Variants in CCDC32 observed in about 807,000 individuals in gnomAD.
The protein encoded by CCDC32 is coiled-coil domain-containing protein 32.
Under a neutral mutation model 20.1 loss-of-function variants are expected in CCDC32, and 9 were observed. The observed-to-expected ratio is 0.45, with a 90% CI of 0.27 to 0.78. The LOEUF (loss-of-function observed/expected upper bound fraction) is 0.78, where lower values mean the gene tolerates loss of function less well. Ranked by LOEUF, CCDC32 falls within the 30% of genes least tolerant of loss-of-function variation. CCDC32 has a pLI of 0.16. For missense variants in CCDC32, 204 were observed against 215.5 expected, an observed-to-expected ratio of 0.95 and a Z score of 0.33; for synonymous variants, 63 against 79.0, an observed-to-expected ratio of 0.80 and a Z score of 1.07.
chr15:40,561,540 A>G (rs1890635301), intron 2 of CCDC32, among the ~76,000 whole-genome samples: 1 of 151,694 alleles, frequency 6.6e-6, no homozygotes, highest in African/African-American at 2.4e-5. Flanking sequence ...GACTTTGGAG[A>G]TTCAGAAGTG....
the CCDC32 span, among the ~76,000 whole-genome samples, chr15:40,522,736 C>T: frequency 3.2e-4 from 49 of 152,068 alleles, no homozygotes; most frequent in Non-Finnish European, 2.6e-4. Context: ...TGTCACTCAG[C>T]AAAGCCTGAG....
chr15:40,531,273 T>C (rs1253973729), downstream of CCDC32: 1 of 151,380 alleles, frequency 6.6e-6, no homozygotes, highest in Non-Finnish European at 1.5e-5. Context: ...CACTGTGTAA[T>C]ATATCTATGT....
chr15:40,532,079 G>A, downstream of CCDC32: 6 of 463,782 alleles, frequency 1.3e-5, no homozygotes, highest in Non-Finnish European at 7.7e-6. Flanking sequence ...TTAGCATAAA[G>A]AACATTTTGC....
chr15:40,549,840 G>C (rs1050551967), downstream of CCDC32, among the ~76,000 whole-genome samples: 5 of 152,176 alleles, frequency 3.3e-5, no homozygotes, highest in African/African-American at 1.2e-4. Context: ...AGAAAACCTT[G>C]CCTGCTTCAT....
downstream of CCDC32, among the ~76,000 whole-genome samples, chr15:40,551,234 T>C (rs924091537): frequency 1.4e-4 from 22 of 151,870 alleles, no homozygotes. Flanking sequence ...TACAAAAAAT[T>C]AGCCGGGCGT....
At chr15:40,555,261 A>C (rs947347113) in intron 3 of CCDC32, among the ~76,000 whole-genome samples, 3 of 152,240 alleles carry the variant, frequency 2.0e-5, no homozygotes, top group East Asian at 1.9e-4. Flanking sequence ...ACAGCATTTA[A>C]TCTTCATTTA....
chr15:40,539,085 T>G, downstream of CCDC32: 1 of 639,834 alleles, frequency 1.6e-6, no homozygotes, highest in East Asian at 2.7e-5. Context: ...GCTTCTCCCT[T>G]TCTTCATTCA....
At chr15:40,547,419 C>T (rs1164353305) in intron 3 of CCDC32, among the ~76,000 whole-genome samples, 1 of 152,134 alleles carries the variant, frequency 6.6e-6, no homozygotes, top group Non-Finnish European at 1.5e-5. Context: ...GTGGGACTTT[C>T]TCAGTGTTTC....
At position 40,553,557 on chromosome 15, in the gene CCDC32, C is replaced by T. The variant is rs1057482419; in HGVS notation, c.*414G>A. On this transcript the variant is annotated 3_prime_UTR_variant, in exon 4 of 4. Transcript: ENST00000416810. Reference sequence around the variant, plus strand: ...TGCTTGGGACACAAGCATGAATGTCCGGAAGAGGCAAGAAAATATATGGCT... The same window carrying T: ...TGCTTGGGACACAAGCATGAATGTCTGGAAGAGGCAAGAAAATATATGGCT... The T allele has an allele frequency of 8.1e-6, 8 of 991,846 alleles. No homozygotes were observed. The highest frequency in any genetic ancestry group is 1.7e-5 in the African/African-American group (1 of 57,430). 61.4% of individuals were successfully genotyped at this position (991,846 alleles called of 1,614,324 possible).
downstream of CCDC32, among the ~76,000 whole-genome samples, chr15:40,550,310 G>A (rs1297802183): frequency 1.3e-5 from 2 of 152,226 alleles, no homozygotes; most frequent in Non-Finnish European, 2.9e-5. Context: ...AGTCAGGGGT[G>A]ATAAGTAAGA....
intron 3 of CCDC32, among the ~76,000 whole-genome samples, chr15:40,545,186 C>G (rs556618167): frequency 3.9e-5 from 6 of 152,194 alleles, no homozygotes; most frequent in African/African-American, 1.2e-4. Context: ...TGCTGAAGAC[C>G]ACACTGCACC....
intron 3 of CCDC32, chr15:40,557,003 T>A (rs1411891566): frequency 6.0e-6 from 3 of 503,686 alleles, no homozygotes; most frequent in African/African-American, 2.0e-5. Flanking sequence ...CATGAGAGAC[T>A]GATTAGTTAC....
intron 2 of CCDC32, among the ~76,000 whole-genome samples, chr15:40,558,247 G>A (rs577611067): frequency 6.6e-6 from 1 of 152,104 alleles, no homozygotes; most frequent in Admixed American, 6.6e-5. Flanking sequence ...ATGATTTGCA[G>A]TTCTGTTTTC....
At chr15:40,539,880 A>ACACACACACACACACACACACACCCCCC (rs769226221) in intron 3 of CCDC32, among the ~76,000 whole-genome samples, 1 of 139,040 alleles carries the variant, frequency 7.2e-6, no homozygotes, top group African/African-American at 2.6e-5. Flanking sequence ...ACACACACAC[A>ACACACACACACACACACACACACCCCCC]CCCCGCTCCT....
downstream of CCDC32, among the ~76,000 whole-genome samples, chr15:40,524,572 G>T (rs1894875179): frequency 2.6e-5 from 4 of 152,054 alleles, no homozygotes; most frequent in South Asian, 8.3e-4. Flanking sequence ...CTAAGCTATA[G>T]GGACAGCAGA....
At chr15:40,524,530 TG>T (rs1894874843), downstream of CCDC32, among the ~76,000 whole-genome samples, 1 of 152,040 alleles carries the variant, frequency 6.6e-6, no homozygotes. Flanking sequence ...ACTGTATAAC[TG>T]GATTTATGTA....
rs1462379116 is a variant in CCDC32, at chr15:40,554,035, A to G, written c.494T>C (p.Val165Ala). The change falls in exon 4 of 4, where the codon GTT (valine) becomes GCT (alanine). Residue 165 changes from valine (V) to alanine (A), a missense_variant. Coordinates refer to ENST00000416810, the MANE Select transcript of CCDC32 (RefSeq NM_001080792.4). ...CTCGTCCTCGGCCACTGGCTTCTCA[A>G]CCTGTGACTCTGGAGGAATCAGATA... ...VQYLIPPESQ[V>A]EKPVAEDEPA... is the part of the protein sequence containing the mutation. 6 of 1,612,492 alleles carry G rather than the reference A, an allele frequency of 3.7e-6. No individual in the cohort carries two copies. In the African/African-American group the frequency reaches 6.7e-5, roughly 18 times the overall value.
Position 40,553,849 on chromosome 15 carries a change from C to G in CCDC32, c.*122G>C. The G allele has an allele frequency of 7.1e-7, 1 of 1,413,784 alleles. No homozygotes were observed. 87.6% of individuals were successfully genotyped at this position (1,413,784 alleles called of 1,614,324 possible). A position where few individuals can be genotyped will look rare whatever the true frequency, so the allele number is the denominator to read the frequency against. ...GTTTTTTCCTTCAGTGGATTTCTCC[C>G]TGCTGCTGTCACTGAGCTCCACGCT... On this transcript the variant is annotated 3_prime_UTR_variant, in exon 4 of 4. Coordinates refer to ENST00000416810, the MANE Select transcript of CCDC32 (RefSeq NM_001080792.4).
exon 4 of CCDC32, chr15:40,539,269 C>A (rs753080208): frequency 6.5e-7 from 1 of 1,535,614 alleles, no homozygotes; most frequent in Admixed American, 2.0e-5. Flanking sequence ...AAATGTCCTT[C>A]GCCACCTCTG....
Sources: allele counts gnomAD v4.1 joint callset (sites outside exome capture counted in the v4.1 genomes callset), GRCh38; gene constraint gnomAD v4.1.1; transcripts MANE v1.5; gene names NCBI Gene and HGNC (gene_info 2026-07-23, HGNC 2026-07-21).